VWA3B: variants seen among roughly 807,000 people sequenced by gnomAD.
VWA3B encodes von Willebrand factor A domain containing 3B.
In VWA3B, 138 loss-of-function variants were observed where a neutral mutation model predicts 158.3. The observed-to-expected ratio is 0.87, with a 90% CI of 0.76 to 1.00. The LOEUF is 1.00. Ranked by LOEUF, VWA3B falls within the 50% of genes least tolerant of loss-of-function variation. The probability of loss-of-function intolerance (pLI) is 0.00; values close to 1 mark genes in which losing one functional copy is unlikely to be tolerated. For synonymous variants in VWA3B, 596 were observed against 587.3 expected (o/e 1.01, Z -0.21); for missense variants, 1,555 against 1,565.1 (o/e 0.99, Z 0.11).
chr2:98,315,964 C>A (rs1165827990), downstream of VWA3B, among the ~76,000 whole-genome samples: 1 of 152,152 alleles, frequency 6.6e-6, no homozygotes, highest in African/African-American at 2.4e-5. Flanking sequence ...AACTAAAATG[C>A]AGTTGATTCT....
At chr2:98,151,248 G>GA (rs1273893244) in intron 7 of VWA3B, among the ~76,000 whole-genome samples, 4 of 152,130 alleles carry the variant, frequency 2.6e-5, no homozygotes, top group Non-Finnish European at 5.9e-5. Flanking sequence ...GAGTAGCTGG[G>GA]ATTACAGGCA....
chr2:98,322,912 A>G, the VWA3B span, among the ~76,000 whole-genome samples: 1 of 152,178 alleles, frequency 6.6e-6, no homozygotes, highest in South Asian at 2.1e-4. Context: ...AAAAGTTTGC[A>G]GTTTGAGTCC....
intron 19 of VWA3B, among the ~76,000 whole-genome samples, chr2:98,243,035 T>C (rs1309178335): frequency 1.3e-5 from 2 of 151,904 alleles, no homozygotes; most frequent in African/African-American, 4.8e-5. Flanking sequence ...AAAGAAGCAA[T>C]AGTTATCATC....
the VWA3B span, among the ~76,000 whole-genome samples, chr2:98,329,037 T>C: frequency 6.6e-6 from 1 of 152,172 alleles, no homozygotes; most frequent in Non-Finnish European, 1.5e-5. Context: ...CACACACATA[T>C]ATGGTCAACT....
chr2:98,097,338 G>T (rs981850505), intron 2 of VWA3B, among the ~76,000 whole-genome samples: 1 of 152,106 alleles, frequency 6.6e-6, no homozygotes, highest in Non-Finnish European at 1.5e-5. Context: ...TCACTTATAA[G>T]TAAAACATTT....
chr2:98,136,149 C>G (rs1049006419), intron 7 of VWA3B, among the ~76,000 whole-genome samples: 2 of 152,166 alleles, frequency 1.3e-5, no homozygotes, highest in Non-Finnish European at 2.9e-5. Flanking sequence ...CAGGGTATGA[C>G]TTACCATGAC....
At chr2:98,316,321 T>A (rs1034776643), downstream of VWA3B, among the ~76,000 whole-genome samples, 3 of 152,192 alleles carry the variant, frequency 2.0e-5, no homozygotes, top group African/African-American at 7.2e-5. Context: ...AGCAGTGATA[T>A]GGTTTCCACC....
chr2:98,152,757 G>A (rs183899364), intron 7 of VWA3B, among the ~76,000 whole-genome samples: 7 of 152,204 alleles, frequency 4.6e-5, no homozygotes, highest in Admixed American at 1.3e-4. Context: ...GCAGTGGAAC[G>A]AACAGTGGAC....
At position 98,128,324 on chromosome 2, in the gene VWA3B, GTCCAGTC is replaced by G; in HGVS notation, c.790_796del (p.Pro264ThrfsTer13). 1 of 1,614,098 alleles carries G rather than the reference GTCCAGTC, an allele frequency of 6.2e-7. No individual in the cohort carries two copies. Reference sequence around the variant, plus strand: ...CTCCAGAGGGCCTTGGAGATCCCGTGTCCAGTCTACACAGTGTCCTTCAACGCCAGAG... The same window carrying G: ...CTCCAGAGGGCCTTGGAGATCCCGTGTACACAGTGTCCTTCAACGCCAGAG... On this transcript the variant is annotated frameshift_variant, in exon 6 of 28. Coordinates refer to ENST00000477737, the MANE Select transcript of VWA3B (RefSeq NM_144992.5). LOFTEE classifies it high-confidence loss of function.
At chr2:98,247,039 C>T (rs1283564667) in intron 19 of VWA3B, among the ~76,000 whole-genome samples, 1 of 151,832 alleles carries the variant, frequency 6.6e-6, no homozygotes, top group African/African-American at 2.4e-5. Context: ...GCACTGTCGC[C>T]CAGGCTGCAG....
At chr2:98,129,224 AGTGTGTGTGTGTGT>A (rs1228441504) in intron 6 of VWA3B, among the ~76,000 whole-genome samples, 7 of 124,562 alleles carry the variant, frequency 5.6e-5, no homozygotes, top group East Asian at 4.7e-4. Flanking sequence ...AGAGAGAGAG[AGTGTGTGTGTGTGT>A]GTGTGTGTGT....
At position 98,312,048 on chromosome 2, in the gene VWA3B, G is replaced by GT; in HGVS notation, c.3735+16_3735+17insT. 1 of 1,592,138 alleles carries GT rather than the reference G, an allele frequency of 6.3e-7. No homozygotes were observed. The highest frequency in any genetic ancestry group is 8.6e-7 in the Non-Finnish European group (1 of 1,168,922). ...CGAGCCCAGGGTTTGGGTGATGGGG[G>GT]GGGAACACAACATCGCTTATCTCAG... On this transcript the variant is annotated intron_variant, in intron 27 of 27. Coordinates refer to ENST00000477737, the MANE Select transcript of VWA3B (RefSeq NM_144992.5).
At chr2:98,163,417 A>C (rs953712578) in intron 8 of VWA3B, among the ~76,000 whole-genome samples, 1 of 152,134 alleles carries the variant, frequency 6.6e-6, no homozygotes, top group African/African-American at 2.4e-5. Flanking sequence ...CCGTGCCTGT[A>C]ATCCCAGCTA....
intron 2 of VWA3B, among the ~76,000 whole-genome samples, chr2:98,096,606 T>C (rs1269806191): frequency 6.6e-6 from 1 of 152,174 alleles, no homozygotes; most frequent in Non-Finnish European, 1.5e-5. Context: ...TCCTTACTCA[T>C]TGGTTTGTTC....
chr2:98,250,671 T>G (rs1686743856), intron 20 of VWA3B, among the ~76,000 whole-genome samples: 2 of 152,024 alleles, frequency 1.3e-5, no homozygotes, highest in African/African-American at 4.8e-5. Context: ...AGGAAGACCT[T>G]GTCTCTACAA....
At position 98,117,885 on chromosome 2, in the gene VWA3B, C is replaced by T. The variant is rs377057903; in HGVS notation, c.292-1628C>T. ...GGCCTCCCAAGTAGCTACAGGTGTGCGCCACCGTATCCAGCTACTTTTTGT... is the reference window on the plus strand; with the variant it reads ...GGCCTCCCAAGTAGCTACAGGTGTGTGCCACCGTATCCAGCTACTTTTTGT... On this transcript the variant is annotated intron_variant, in intron 3 of 27. Transcript: ENST00000477737. 7.3e-4 allele frequency among the ~76,000 whole-genome samples: 111 copies of T among 151,572 alleles called. 1 individual carries two copies. Among genetic ancestry groups the T allele is most frequent in the African/African-American group, 2.5e-3 (102 of 41,328 alleles).
intron 2 of VWA3B, among the ~76,000 whole-genome samples, chr2:98,105,157 T>G (rs1205916762): frequency 1.3e-5 from 2 of 152,252 alleles, no homozygotes; most frequent in African/African-American, 4.8e-5. Context: ...AGGCATTTCT[T>G]ACAGTGCAGG....
intron 12 of VWA3B, among the ~76,000 whole-genome samples, chr2:98,199,066 G>A (rs1438934595): frequency 2.8e-5 from 4 of 143,454 alleles, no homozygotes; most frequent in Non-Finnish European, 4.5e-5. Context: ...CATCCTGGGC[G>A]ACAGCGCGAG....
At chr2:98,187,892 T>G (rs1017339541) in intron 9 of VWA3B, 83 bp from the exon 10 acceptor site, 2 of 1,417,972 alleles carry the variant, frequency 1.4e-6, no homozygotes, top group African/African-American at 2.9e-5. Flanking sequence ...GCCACTTGAA[T>G]ACGACAGAGC....
Sources: gnomAD v4.1 joint callset for allele counts (sites outside exome capture counted in the v4.1 genomes callset) on GRCh38, gnomAD v4.1.1 for gene constraint, MANE v1.5 for transcripts, NCBI Gene and HGNC (gene_info 2026-07-23, HGNC 2026-07-21) for gene names.